The following EXOC6B variants were observed in gnomAD, a reference collection of about 807,000 sequenced individuals.
EXOC6B encodes the protein exocyst complex component 6B.
In EXOC6B, 54 loss-of-function variants were observed where a neutral mutation model predicts 113.5. That is an observed-to-expected ratio of 0.48 (90% confidence interval 0.38 to 0.60). EXOC6B has a LOEUF of 0.60. EXOC6B is among the 20% of genes least tolerant of loss of function. EXOC6B has a pLI of 0.00. For missense variants in EXOC6B, 797 were observed against 977.5 expected, an observed-to-expected ratio of 0.82 and a Z score of 2.46; for synonymous variants, 357 against 339.0, an observed-to-expected ratio of 1.05 and a Z score of -0.58.
chr2:72,242,016 A>C (rs1682342238), intron 20 of EXOC6B, among the ~76,000 whole-genome samples: 2 of 152,068 alleles, frequency 1.3e-5, no homozygotes, highest in Admixed American at 1.3e-4. Context: ...CAGCCTGGGC[A>C]ACATACCAAG....
intron 20 of EXOC6B, among the ~76,000 whole-genome samples, chr2:72,268,123 T>G (rs1235795119): frequency 6.6e-6 from 1 of 152,200 alleles, no homozygotes; most frequent in African/African-American, 2.4e-5. Context: ...TTTGTTTTGT[T>G]TTTTTGAGAC....
At chr2:72,357,173 T>C (rs1054069562) in intron 19 of EXOC6B, among the ~76,000 whole-genome samples, 2 of 152,220 alleles carry the variant, frequency 1.3e-5, no homozygotes, top group South Asian at 4.1e-4. Context: ...TACAGTAAGA[T>C]ATTTTGAGAG....
intron 1 of EXOC6B, among the ~76,000 whole-genome samples, chr2:72,780,916 T>A (rs1453756108): frequency 6.6e-6 from 1 of 152,190 alleles, no homozygotes; most frequent in African/African-American, 2.4e-5. Flanking sequence ...TTTGTAATTG[T>A]TACACTAAGG....
At chr2:72,346,617 C>T (rs1689354196) in intron 19 of EXOC6B, among the ~76,000 whole-genome samples, 1 of 152,100 alleles carries the variant, frequency 6.6e-6, no homozygotes, top group African/African-American at 2.4e-5. Context: ...AGTCCATGGG[C>T]ACTGGGGGCC....
intron 20 of EXOC6B, among the ~76,000 whole-genome samples, chr2:72,264,383 C>G (rs1335985024): frequency 1.3e-5 from 2 of 152,070 alleles, no homozygotes; most frequent in African/African-American, 4.8e-5. Context: ...CTAGCCTGGC[C>G]AGCATGGTGA....
chr2:72,298,780 ATTCTT>A (rs1686312140), intron 20 of EXOC6B, among the ~76,000 whole-genome samples: 1 of 152,176 alleles, frequency 6.6e-6, no homozygotes, highest in Non-Finnish European at 1.5e-5. Context: ...CGGGTTGAAA[ATTCTT>A]TTCTTTAAGA....
Position 72,471,080 on chromosome 2 carries a change from C to G in EXOC6B, c.1801-5741G>C, listed in dbSNP as rs1273116462. Among the ~76,000 whole-genome samples, 7 of 152,202 alleles carry G rather than the reference C, an allele frequency of 4.6e-5. No individual in the cohort carries two copies. In the East Asian group the frequency reaches 1.4e-3, roughly 29 times the overall value. On this transcript the variant is annotated intron_variant, in intron 17 of 21. Coordinates refer to ENST00000272427, the MANE Select transcript of EXOC6B (RefSeq NM_015189.3). The stretch of plus-strand genomic sequence containing the variant: ...ATGGTTGAACTAGTTTACAGTCCCA[C>G]CAACAGTGTAAAAGTGTTCCTATTT...
chr2:72,312,759 A>C (rs553377042), intron 20 of EXOC6B, among the ~76,000 whole-genome samples: 33 of 150,970 alleles, frequency 2.2e-4, no homozygotes, highest in African/African-American at 3.2e-4. Context: ...TTGTCTCAAA[A>C]AACAACAACA....
At chr2:72,409,339 C>T (rs1694008871) in intron 18 of EXOC6B, among the ~76,000 whole-genome samples, 1 of 152,156 alleles carries the variant, frequency 6.6e-6, no homozygotes, top group South Asian at 2.1e-4. Context: ...ACTGTAAATA[C>T]CATTTGACCC....
intron 19 of EXOC6B, among the ~76,000 whole-genome samples, chr2:72,355,260 G>A (rs1284406552): frequency 1.3e-5 from 2 of 152,052 alleles, no homozygotes; most frequent in African/African-American, 4.8e-5. Flanking sequence ...ATTCTCCCTT[G>A]TAAATCTATA....
At chr2:72,589,075 C>T (rs116815797) in intron 6 of EXOC6B, among the ~76,000 whole-genome samples, 2,085 of 151,848 alleles carry the variant, frequency 0.014, 70 homozygotes, top group African/African-American at 0.048. Flanking sequence ...AAAAGAGTCA[C>T]GATACCTAAT....
intron 20 of EXOC6B, among the ~76,000 whole-genome samples, chr2:72,241,502 T>C (rs1682309072): frequency 6.6e-6 from 1 of 152,144 alleles, no homozygotes; most frequent in Non-Finnish European, 1.5e-5. Context: ...TCCAGGAATC[T>C]TGGAGAACAT....
At chr2:72,616,903 T>C (rs1014921750) in intron 6 of EXOC6B, among the ~76,000 whole-genome samples, 3 of 152,110 alleles carry the variant, frequency 2.0e-5, no homozygotes, top group African/African-American at 7.2e-5. Flanking sequence ...CAAAATCTCA[T>C]CTGAGACAAG....
At position 72,734,553 on chromosome 2, in the gene EXOC6B, C is replaced by T. The variant is rs532583733; in HGVS notation, c.280-1435G>A. Among the ~76,000 whole-genome samples the T allele has an allele frequency of 7.2e-5, 11 of 152,278 alleles. No individual in the cohort carries two copies. The South Asian group carries it at 2.3e-3, about 32-fold the overall frequency. On this transcript the variant is annotated intron_variant, in intron 2 of 21. Transcript: ENST00000272427. ...CTGTTGTAACTATTCAACTCTACCT[C>T]TGTAGCAGGAATGCAGCCATAAAGA...
In EXOC6B at chr2:72,643,506, C is replaced by T. The variant is rs868418898; in HGVS notation, c.670-67838G>A. On this transcript the variant is annotated intron_variant, in intron 6 of 21. Transcript: ENST00000272427. The stretch of plus-strand genomic sequence containing the variant: ...GAAATCATCATTCTCAGTAAACTAT[C>T]GCAAGAACAAAAAACCAAACACCGC... 8.4e-3 allele frequency among the ~76,000 whole-genome samples: 1,239 copies of T among 148,294 alleles called. 18 individuals are homozygous for T. The highest frequency in any genetic ancestry group is 0.03 in the African/African-American group (1,178 of 39,728).
intron 19 of EXOC6B, among the ~76,000 whole-genome samples, chr2:72,375,130 T>A (rs1483254801): frequency 6.6e-6 from 1 of 152,070 alleles, no homozygotes. Context: ...ACATATCAGT[T>A]CTAAGTAGTA....
At chr2:72,744,095 T>C (rs1260542662) in intron 1 of EXOC6B, among the ~76,000 whole-genome samples, 2 of 152,190 alleles carry the variant, frequency 1.3e-5, no homozygotes, top group East Asian at 3.8e-4. Context: ...TACAGCAACA[T>C]ACTGTACAGG....
chr2:72,486,811 T>C (rs2105516654), intron 16 of EXOC6B, among the ~76,000 whole-genome samples: 1 of 152,150 alleles, frequency 6.6e-6, no homozygotes. Context: ...TTTTCTGCTC[T>C]ATACTGTATC....
At chr2:72,671,252 C>A (rs1490514763) in intron 6 of EXOC6B, among the ~76,000 whole-genome samples, 1 of 152,162 alleles carries the variant, frequency 6.6e-6, no homozygotes, top group Admixed American at 6.5e-5. Flanking sequence ...AAAATGTTTG[C>A]AACCTATCTA....
Sources: gnomAD v4.1 joint callset for allele counts (sites outside exome capture counted in the v4.1 genomes callset) on GRCh38, gnomAD v4.1.1 for gene constraint, MANE v1.5 for transcripts, NCBI Gene and HGNC (gene_info 2026-07-23, HGNC 2026-07-21) for gene names.